PEX5: variants seen among roughly 807,000 people sequenced by gnomAD.
The protein encoded by PEX5 is peroxisomal biogenesis factor 5.
A neutral mutation model predicts 82.9 loss-of-function variants in PEX5; 52 were observed. The ratio of observed to expected loss-of-function variants is 0.63; its 90% confidence interval spans 0.50 to 0.79. The LOEUF (loss-of-function observed/expected upper bound fraction) is 0.79, where lower values mean the gene tolerates loss of function less well. PEX5 is among the 30% of genes least tolerant of loss of function. The pLI is 0.00. For synonymous variants in PEX5, 300 were observed against 318.8 expected (o/e 0.94, Z 0.63); for missense variants, 719 against 815.2 (o/e 0.88, Z 1.44).
Position 7,202,670 on chromosome 12 carries a change from A to T in PEX5, c.812A>T (p.Asp271Val), listed in dbSNP as rs772044169. 6 of 1,614,124 alleles carry T rather than the reference A, an allele frequency of 3.7e-6. No homozygotes were observed. Among genetic ancestry groups the T allele is most frequent in the Non-Finnish European group, 5.1e-6 (6 of 1,179,988 alleles). The change falls in exon 9 of 16, where the codon GAT becomes GTT. Residue 271 changes from aspartate to valine, a missense_variant. Transcript: ENST00000675855. ...AGACCAGTAAACACATCTGCCCTTG[A>T]TATGGAGTTTGAACGAGCCAAGTCA... ...FTRPVNTSAL[D>V]MEFERAKSAI...
intron 12 of PEX5, 48 bp downstream of exon 12, chr12:7,208,128 A>G: frequency 7.2e-7 from 1 of 1,387,904 alleles, no homozygotes; most frequent in Non-Finnish European, 1.0e-6. Context: ...GGCTCTGCAT[A>G]TAACCTTTTG....
At chr12:7,190,108 C>T in intron 1 of PEX5, 1 of 1,487,198 alleles carries the variant, frequency 6.7e-7, no homozygotes, top group Non-Finnish European at 8.9e-7. Flanking sequence ...GGCCCCCAGC[C>T]CATGGGACCG....
At chr12:7,189,965 G>A in intron 1 of PEX5, 1 of 1,494,068 alleles carries the variant, frequency 6.7e-7, no homozygotes, top group Non-Finnish European at 8.8e-7. Flanking sequence ...CGCGTGCTGG[G>A]GCTGCGCGGG....
chr12:7,202,552 TG>T lies in PEX5; in HGVS notation c.754-59del, dbSNP rs1944225613. ...TTGGTGGTGGTTAGTGGGTATTTAG[TG>T]TGCGTCTGATGGATAGAAAGTTGGT... On this transcript the variant is annotated intron_variant, in intron 8 of 15. Coordinates refer to ENST00000675855, the MANE Select transcript of PEX5 (RefSeq NM_001351132.2). The T allele has an allele frequency of 4.6e-5, 68 of 1,480,558 alleles. 1 individual carries two copies. In the South Asian group the frequency reaches 6.6e-4, roughly 14 times the overall value. 91.7% of individuals were successfully genotyped at this position (1,480,558 alleles called of 1,614,324 possible).
rs756860988 is a variant in PEX5 at position 7,203,520 on chromosome 12, A to G, written c.935A>G (p.Tyr312Cys). ...DAEAHPWLSD[Y>C]DDLTSATYDK... Reference sequence around the variant, plus strand: ...GAGGCCCACCCCTGGCTTTCTGACTATGATGACCTTACGTCAGCTACCTAT... The same window carrying G: ...GAGGCCCACCCCTGGCTTTCTGACTGTGATGACCTTACGTCAGCTACCTAT... Residue 312 changes from tyrosine (Y) to cysteine (C), a missense_variant, in exon 10 of 16, where the codon TAT becomes TGT. Coordinates refer to ENST00000675855, the MANE Select transcript of PEX5 (RefSeq NM_001351132.2). 3.1e-6 allele frequency: 5 copies of G among 1,613,892 alleles called. No individual in the cohort carries two copies. The highest frequency in any genetic ancestry group is 2.2e-5 in the East Asian group (1 of 44,870).
chr12:7,204,806 A>G (rs1012523383), intron 10 of PEX5, among the ~76,000 whole-genome samples: 12 of 152,140 alleles, frequency 7.9e-5, no homozygotes, highest in African/African-American at 2.9e-4. Flanking sequence ...TATTTATGAC[A>G]TGCTGGCCAG....
intron 6 of PEX5, among the ~76,000 whole-genome samples, chr12:7,200,798 G>A (rs1044433610): frequency 4.6e-5 from 7 of 152,188 alleles, no homozygotes; most frequent in Non-Finnish European, 1.0e-4. Context: ...GCTGAAGCAG[G>A]AGAATCAGGC....
intron 4 of PEX5, 101 bp downstream of exon 4, chr12:7,191,459 C>T (rs1033311205): frequency 1.2e-5 from 19 of 1,594,018 alleles, no homozygotes; most frequent in Non-Finnish European, 1.6e-5. Context: ...ACCTGAGATG[C>T]AGAAGGAGAC....
chr12:7,198,803 C>T (rs757536210), intron 5 of PEX5, among the ~76,000 whole-genome samples: 3 of 152,264 alleles, frequency 2.0e-5, no homozygotes, highest in South Asian at 4.1e-4. Flanking sequence ...AATTTCTGCC[C>T]CAGGCTCCTT....
chr12:7,202,347 A>G lies in PEX5; in HGVS notation c.749A>G (p.Gln250Arg). Residue 250 changes from glutamine to arginine, a missense_variant, in exon 8 of 16, where the codon CAG (glutamine) becomes CGG (arginine). By Grantham distance (43) the Gln-to-Arg change is conservative. Transcript: ENST00000675855. ...CAGTGGGCAGCAGAGTTTATACAGC[A>G]GCAGGTAGGACATTGTCACTTTCCA... ...AEQWAAEFIQ[Q>R]QGTSDAWVDQ... 6 of 1,614,152 alleles carry G rather than the reference A, an allele frequency of 3.7e-6. No homozygotes were observed. Among genetic ancestry groups the G allele is most frequent in the Non-Finnish European group, 5.1e-6 (6 of 1,180,028 alleles).
Position 7,191,210 on chromosome 12 carries a change from A to G in PEX5, c.184-16A>G, listed in dbSNP as rs1476087271. The G allele has an allele frequency of 6.2e-7, 1 of 1,613,944 alleles. No homozygotes were observed. The highest frequency in any genetic ancestry group is 1.7e-5 in the Admixed American group (1 of 60,014). ...CCCAAGCCTATGGGTTCATTTCATC[A>G]TTTCCCTTCTGGCAGTTGGTGGCTG... On this transcript the variant is annotated splice_polypyrimidine_tract_variant and intron_variant, in intron 3 of 15. Coordinates refer to ENST00000675855, the MANE Select transcript of PEX5 (RefSeq NM_001351132.2).
At chr12:7,190,701 A>G (rs896376345) in intron 2 of PEX5, 177 bp downstream of exon 2, 12 of 1,420,736 alleles carry the variant, frequency 8.4e-6, no homozygotes, top group East Asian at 2.4e-5. Context: ...TGCTTTCTCT[A>G]TTGTGTTGCA....
rs764934631 is a variant in PEX5 at position 7,207,789 on chromosome 12, C to T, written c.1097C>T (p.Pro366Leu). 26 of 1,614,008 alleles carry T rather than the reference C, an allele frequency of 1.6e-5. No homozygotes were observed. Among genetic ancestry groups the T allele is most frequent in the Non-Finnish European group, 1.7e-5 (20 of 1,180,008 alleles). The change falls in exon 11 of 16, where the codon CCT (proline) becomes CTT (leucine). Residue 366 changes from proline to leucine, a missense_variant. Transcript: ENST00000675855. ...TTTGAGGCAGCTGTGCAGCAGGATC[C>T]TAAGCACATGGAAGTGAGTGACTCC... ...LLFEAAVQQDPKHMEAWQYLG... is the reference protein window; with the variant it reads ...LLFEAAVQQDLKHMEAWQYLG...
In PEX5 at chr12:7,197,286, TAATTATA is replaced by T. The variant is rs1422460212; in HGVS notation, c.449-1724_449-1718del. 2.0e-4 allele frequency among the ~76,000 whole-genome samples: 28 copies of T among 137,150 alleles called. 6 individuals are homozygous for T. The highest frequency in any genetic ancestry group is 7.7e-4 in the African/African-American group (28 of 36,452). 90.0% of individuals were successfully genotyped at this position (137,150 alleles called of 152,430 possible). On this transcript the variant is annotated intron_variant, in intron 5 of 15. Coordinates refer to ENST00000675855, the MANE Select transcript of PEX5 (RefSeq NM_001351132.2). ...ATTATATATGTCATATATAATGTAA[TAATTATA>T]TATGTCATATATAATGTAATCATAT...
Position 7,208,653 on chromosome 12 carries a change from G to C in PEX5, c.1378G>C (p.Gly460Arg). Reference protein sequence around the residue: ...AGLGPSKRILGSLLSDSLFLE... With the variant: ...AGLGPSKRILRSLLSDSLFLE... ...ACTGGGCCCCAGCAAGCGTATCCTG[G>C]GATCTCTCTTGTCTGAGTGAGTATG... The change falls in exon 13 of 16, where the codon GGA (glycine) becomes CGA (arginine). Residue 460 changes from glycine to arginine, a missense_variant. Coordinates refer to ENST00000675855, the MANE Select transcript of PEX5 (RefSeq NM_001351132.2). 6.2e-7 allele frequency: 1 copy of C among 1,613,542 alleles called. No homozygotes were observed. The highest frequency in any genetic ancestry group is 8.5e-7 in the Non-Finnish European group (1 of 1,179,640).
At position 7,210,509 on chromosome 12, in the gene PEX5, T is replaced by C; in HGVS notation, c.*286T>C. The C allele has an allele frequency of 1.9e-6, 1 of 535,840 alleles. No homozygotes were observed. The highest frequency in any genetic ancestry group is 2.0e-5 in the South Asian group (1 of 49,860). The allele number at this position is 535,840 out of a possible 1,614,324, so 33.2% of individuals were successfully genotyped here. On this transcript the variant is annotated 3_prime_UTR_variant, in exon 16 of 16. Transcript: ENST00000675855. ...CCCTTTCTTGGTGCTGCTTTTTGGG[T>C]AGGACCCCACGATTTAGGGTAACTG...
At chr12:7,191,784 T>A (rs1051456453) in intron 5 of PEX5, 84 bp downstream of exon 5, 4 of 1,367,576 alleles carry the variant, frequency 2.9e-6, no homozygotes, top group Non-Finnish European at 3.1e-6. Flanking sequence ...ATAGTGTGAT[T>A]ACGATTTTTC....
At position 7,190,933 on chromosome 12, in the gene PEX5, C is replaced by G. The variant is rs1309622613; in HGVS notation, c.183+10C>G. The G allele has an allele frequency of 6.2e-7, 1 of 1,610,232 alleles. No individual in the cohort carries two copies. Among genetic ancestry groups the G allele is most frequent in the South Asian group, 1.1e-5 (1 of 91,018 alleles). On this transcript the variant is annotated intron_variant, in intron 3 of 15. Coordinates refer to ENST00000675855, the MANE Select transcript of PEX5 (RefSeq NM_001351132.2). ...AGCTTCTGAAGATGAGGTAAATAGACCAGTCTCTTTTCTGTCCCATTTTTC... is the reference window on the plus strand; with the variant it reads ...AGCTTCTGAAGATGAGGTAAATAGAGCAGTCTCTTTTCTGTCCCATTTTTC...
intron 5 of PEX5, among the ~76,000 whole-genome samples, chr12:7,195,468 C>T (rs1026766797): frequency 1.3e-5 from 2 of 152,032 alleles, no homozygotes; most frequent in South Asian, 2.1e-4. Context: ...GGTCTTGTGG[C>T]GATTTAATCT....
Sources: allele counts gnomAD v4.1 joint callset (sites outside exome capture counted in the v4.1 genomes callset), GRCh38; gene constraint gnomAD v4.1.1; transcripts MANE v1.5; gene names NCBI Gene and HGNC (gene_info 2026-07-23, HGNC 2026-07-21).